Variants in TOP1 observed in about 807,000 individuals in gnomAD.
TOP1 encodes DNA topoisomerase 1.
Under a neutral mutation model 111.1 loss-of-function variants are expected in TOP1, and 10 were observed. That is an observed-to-expected ratio of 0.09 (90% CI 0.06 to 0.15). The LOEUF (loss-of-function observed/expected upper bound fraction) is 0.15, where lower values mean the gene tolerates loss of function less well. Among genes scored for constraint, TOP1 ranks in the 10% least tolerant of loss-of-function variants. The pLI is 1.00. For synonymous variants in TOP1, 271 were observed against 302.9 expected (o/e 0.89, Z 1.10); for missense variants, 474 against 926.7 (o/e 0.51, Z 6.34).
Position 41,082,664 on chromosome 20 carries a change from G to GT in TOP1, c.507+1431dup, listed in dbSNP as rs780905699. On this transcript the variant is annotated intron_variant, in intron 7 of 20. Transcript: ENST00000361337. This position sits in a 1 kb window ranked among gnomAD's most constrained non-coding sequence, Gnocchi z 4.1. ...CAGGTCCTGAATTTAGAAGGTTGCC[G>GT]TTTTTTTGACAACTAGTCTATTCTT... 4.6e-5 allele frequency among the ~76,000 whole-genome samples: 7 copies of GT among 152,238 alleles called. No individual in the cohort carries two copies. In the East Asian group the frequency reaches 1.3e-3, roughly 29 times the overall value.
At position 41,060,351 on chromosome 20, in the gene TOP1, A is replaced by G. The variant is rs74657584; in HGVS notation, c.59-1043A>G. ...GAACCAACAACTGATATATCCAACA[A>G]TGTGGATGAATGTCACAAATGTTAT... On this transcript the variant is annotated intron_variant, in intron 2 of 20. Coordinates refer to ENST00000361337, the MANE Select transcript of TOP1 (RefSeq NM_003286.4). Among the ~76,000 whole-genome samples, 1,377 of 152,376 alleles carry G rather than the reference A, an allele frequency of 9.0e-3. 19 individuals are homozygous for G. The highest frequency in any genetic ancestry group is 0.018 in the Admixed American group (281 of 15,308).
rs1301088343 is a variant in TOP1 at position 41,097,179 on chromosome 20, G to A, written c.731-41G>A. 2 of 1,601,744 alleles carry A rather than the reference G, an allele frequency of 1.2e-6. No homozygotes were observed. The highest frequency in any genetic ancestry group is 1.7e-6 in the Non-Finnish European group (2 of 1,176,114). On this transcript the variant is annotated intron_variant, in intron 9 of 20. Coordinates refer to ENST00000361337, the MANE Select transcript of TOP1 (RefSeq NM_003286.4). This position sits in a 1 kb window ranked among gnomAD's most constrained non-coding sequence, Gnocchi z 4.2. ...CCCTGGGTATTTATGCTTAGAACAT[G>A]AATACTATACCTCACTTTTTGGAAC...
chr20:41,067,281 G>A lies in TOP1; in HGVS notation c.155+5791G>A, dbSNP rs1038659194. Among the ~76,000 whole-genome samples the A allele has an allele frequency of 8.6e-5, 13 of 151,674 alleles. No homozygotes were observed. Among genetic ancestry groups the A allele is most frequent in the Admixed American group, 5.3e-4 (8 of 15,226 alleles). On this transcript the variant is annotated intron_variant, in intron 3 of 20. Coordinates refer to ENST00000361337, the MANE Select transcript of TOP1 (RefSeq NM_003286.4). The surrounding 1 kb of genome is among the most constrained non-coding windows in gnomAD (Gnocchi z 4.0). ...ACTTACAGGCGCCTGCCACCACGCC[G>A]AGCTAATTTTTGTATTTTTGGTAGA...
At chr20:41,075,153 ATAAAC>A (rs2033711336) in intron 3 of TOP1, among the ~76,000 whole-genome samples, 1 of 152,088 alleles carries the variant, frequency 6.6e-6, no homozygotes. Context: ...AAGCACCAAA[ATAAAC>A]CTCTTTTTAA....
chr20:41,106,533 T>C lies in TOP1; in HGVS notation c.1308+5180T>C, dbSNP rs533321844. On this transcript the variant is annotated intron_variant, in intron 13 of 20. Coordinates refer to ENST00000361337, the MANE Select transcript of TOP1 (RefSeq NM_003286.4). This position sits in a 1 kb window ranked among gnomAD's most constrained non-coding sequence, Gnocchi z 4.3. ...GAGTTTCCAATTCACGAACATGTTA[T>C]ACCTCTCCATTAATTCATGTCTTTT... 1.5e-3 allele frequency among the ~76,000 whole-genome samples: 226 copies of C among 152,336 alleles called. No homozygotes were observed. Among genetic ancestry groups the C allele is most frequent in the Non-Finnish European group, 2.8e-3 (188 of 68,012 alleles).
chr20:41,091,548 T>C (rs1043239602), intron 8 of TOP1, among the ~76,000 whole-genome samples: 6 of 140,798 alleles, frequency 4.3e-5, no homozygotes, highest in African/African-American at 1.3e-4. Flanking sequence ...AGCAAATTAT[T>C]AACCTTTTTT....
In TOP1 at chr20:41,122,719, C is replaced by A. The variant is rs1316978206; in HGVS notation, c.2196-476C>A. On this transcript the variant is annotated intron_variant, in intron 20 of 20. Coordinates refer to ENST00000361337, the MANE Select transcript of TOP1 (RefSeq NM_003286.4). The surrounding 1 kb of genome is among the most constrained non-coding windows in gnomAD (Gnocchi z 5.4). ...TTAGTTTGAGCTGTTAAGTTCTGAGCATAGGTGGAGATATCCTCCCCTATG... is the reference window on the plus strand; with the variant it reads ...TTAGTTTGAGCTGTTAAGTTCTGAGAATAGGTGGAGATATCCTCCCCTATG... Among the ~76,000 whole-genome samples, 1 of 152,212 alleles carries A rather than the reference C, an allele frequency of 6.6e-6. No individual in the cohort carries two copies. The highest frequency in any genetic ancestry group is 2.1e-4 in the South Asian group (1 of 4,830).
At chr20:41,093,313 G>A (rs1237467357) in intron 9 of TOP1, among the ~76,000 whole-genome samples, 1 of 152,138 alleles carries the variant, frequency 6.6e-6, no homozygotes, top group African/African-American at 2.4e-5. Flanking sequence ...ATCCAGAAAT[G>A]GTTAGAGCAT....
chr20:41,044,056 C>T (rs562728669), intron 2 of TOP1, among the ~76,000 whole-genome samples: 1 of 152,276 alleles, frequency 6.6e-6, no homozygotes, highest in East Asian at 1.9e-4. Flanking sequence ...GCAGGCGGAT[C>T]ACCTGAGGTC....
intron 13 of TOP1, among the ~76,000 whole-genome samples, chr20:41,108,628 C>T (rs1458904144): frequency 8.5e-5 from 13 of 152,148 alleles, no homozygotes; most frequent in Admixed American, 8.5e-4. Flanking sequence ...TTGCTTTTCC[C>T]CCCAGGATTT....
intron 8 of TOP1, among the ~76,000 whole-genome samples, chr20:41,088,517 T>G (rs930295013): frequency 6.6e-6 from 1 of 151,764 alleles, no homozygotes; most frequent in Non-Finnish European, 1.5e-5. Context: ...AATAAATAAA[T>G]AAATAAAAAC....
chr20:41,120,764 C>T (rs148651042), intron 18 of TOP1, among the ~76,000 whole-genome samples: 3,136 of 152,092 alleles, frequency 0.021, 101 homozygotes, highest in African/African-American at 0.071. Flanking sequence ...TTTTTTGAGA[C>T]GGAGTCTCGC....
rs1402925177 is a variant in TOP1 at position 41,032,147 on chromosome 20, A to G, written c.58+2692A>G. 1.3e-5 allele frequency among the ~76,000 whole-genome samples: 2 copies of G among 152,338 alleles called. No homozygotes were observed. The highest frequency in any genetic ancestry group is 6.8e-3 in the Middle Eastern group (2 of 294). On this transcript the variant is annotated intron_variant, in intron 2 of 20. Transcript: ENST00000361337. The surrounding 1 kb of genome is among the most constrained non-coding windows in gnomAD (Gnocchi z 4.3). The stretch of plus-strand genomic sequence containing the variant: ...TTTAAGCGTGATTTTAAGAGGGCCT[A>G]ACCCATCTTACAGATTAACTGTACA...
rs1600557784 is a variant in TOP1, at chr20:41,047,340, C to T, written c.59-14054C>T. On this transcript the variant is annotated intron_variant, in intron 2 of 20. Coordinates refer to ENST00000361337, the MANE Select transcript of TOP1 (RefSeq NM_003286.4). ...TGTGTTGCAGATACGTTCAGATACA[C>T]AAATACTTAACACTGTGTTACAGTT... is the stretch of plus-strand genomic sequence containing the variant. 3.3e-5 allele frequency among the ~76,000 whole-genome samples: 5 copies of T among 152,328 alleles called. No individual in the cohort carries two copies. In the South Asian group the frequency reaches 1.0e-3, roughly 32 times the overall value.
Position 41,058,085 on chromosome 20 carries a change from T to C in TOP1, c.59-3309T>C, listed in dbSNP as rs1416812723. Among the ~76,000 whole-genome samples, 1 of 152,182 alleles carries C rather than the reference T, an allele frequency of 6.6e-6. No homozygotes were observed. The highest frequency in any genetic ancestry group is 1.9e-4 in the East Asian group (1 of 5,188). The stretch of plus-strand genomic sequence containing the variant: ...AAATCCTACTTCTGACACCATATGA[T>C]ATTATTTTTCCCATCTCTGTAGGAT... On this transcript the variant is annotated intron_variant, in intron 2 of 20. Transcript: ENST00000361337. The surrounding 1 kb of genome is among the most constrained non-coding windows in gnomAD (Gnocchi z 4.2).
rs2033546560 is a variant in TOP1, at chr20:41,061,638, G to A, written c.155+148G>A. 1 of 687,412 alleles carries A rather than the reference G, an allele frequency of 1.5e-6. No homozygotes were observed. 42.6% of individuals were successfully genotyped at this position (687,412 alleles called of 1,614,324 possible). On this transcript the variant is annotated intron_variant, in intron 3 of 20. Transcript: ENST00000361337. This position sits in a 1 kb window ranked among gnomAD's most constrained non-coding sequence, Gnocchi z 4.6. Reference sequence around the variant, plus strand: ...TTGATCCTAGAGTTGCTATGAGGATGGCCATGATTTAGGCCTTAAATGGGA... The same window carrying A: ...TTGATCCTAGAGTTGCTATGAGGATAGCCATGATTTAGGCCTTAAATGGGA...
chr20:41,048,930 G>C (rs1291992646), intron 2 of TOP1, among the ~76,000 whole-genome samples: 1 of 152,202 alleles, frequency 6.6e-6, no homozygotes, highest in African/African-American at 2.4e-5. Context: ...TGGTTGTGGA[G>C]AGACAGATTA....
intron 17 of TOP1, among the ~76,000 whole-genome samples, chr20:41,117,460 A>T (rs2034350617): frequency 7.8e-6 from 1 of 128,060 alleles, no homozygotes; most frequent in Admixed American, 1.0e-4. Flanking sequence ...ATCTCGGCTC[A>T]CTGCAAGCTC....
At position 41,116,492 on chromosome 20, in the gene TOP1, C is replaced by A; in HGVS notation, c.1822+100C>A. ...GAGTCAGTTCTACTTTTTTTCCCTACCATTGTGGTCAGACACTTTTTCCCT... is the reference window on the plus strand; with the variant it reads ...GAGTCAGTTCTACTTTTTTTCCCTAACATTGTGGTCAGACACTTTTTCCCT... On this transcript the variant is annotated intron_variant, in intron 17 of 20. Transcript: ENST00000361337. The surrounding 1 kb of genome is among the most constrained non-coding windows in gnomAD (Gnocchi z 5.6). 1 of 868,296 alleles carries A rather than the reference C, an allele frequency of 1.2e-6. No homozygotes were observed. Among genetic ancestry groups the A allele is most frequent in the Non-Finnish European group, 1.8e-6 (1 of 544,302 alleles). The allele number at this position is 868,296 out of a possible 1,614,324, so 53.8% of individuals were successfully genotyped here.
Sources: gnomAD v4.1 joint callset for allele counts (sites outside exome capture counted in the v4.1 genomes callset) on GRCh38, gnomAD v4.1.1 for gene constraint, Gnocchi (gnomAD v3.1) non-coding constraint, MANE v1.5 for transcripts, NCBI Gene and HGNC (gene_info 2026-07-23, HGNC 2026-07-21) for gene names.